Variants in LDB2 observed in about 807,000 individuals in gnomAD.
The protein encoded by LDB2 is LIM domain binding 2, also known as LIM domain-binding protein 2.
A neutral mutation model predicts 44.3 loss-of-function variants in LDB2; 12 were observed. The ratio of observed to expected loss-of-function variants is 0.27; its 90% CI spans 0.17 to 0.44. The LOEUF (loss-of-function observed/expected upper bound fraction) is 0.44, where lower values mean the gene tolerates loss of function less well. LDB2 is among the 20% of genes least tolerant of loss of function. The probability of loss-of-function intolerance (pLI) is 1.00; values close to 1 mark genes in which losing one functional copy is unlikely to be tolerated. For missense variants in LDB2, 344 were observed against 473.5 expected, an observed-to-expected ratio of 0.73 and a Z score of 2.54; for synonymous variants, 164 against 174.8, an observed-to-expected ratio of 0.94 and a Z score of 0.49.
chr4:16,587,946 G>A (rs1202328974), intron 4 of LDB2, among the ~76,000 whole-genome samples: 1 of 152,068 alleles, frequency 6.6e-6, no homozygotes, highest in Non-Finnish European at 1.5e-5. Context: ...TTACTGTTAT[G>A]CTATTTTCTT....
chr4:16,678,776 A>G (rs1041287809), intron 2 of LDB2, among the ~76,000 whole-genome samples: 2 of 152,208 alleles, frequency 1.3e-5, no homozygotes, highest in Non-Finnish European at 2.9e-5. Context: ...ACTCCAGCTC[A>G]TGACAGGGTG....
intron 5 of LDB2, among the ~76,000 whole-genome samples, chr4:16,539,470 C>G (rs1733006530): frequency 6.6e-6 from 1 of 152,138 alleles, no homozygotes; most frequent in South Asian, 2.1e-4. Context: ...GTTTCTGCCC[C>G]TTTCACTTAG....
intron 2 of LDB2, among the ~76,000 whole-genome samples, chr4:16,704,733 G>T (rs16893845): frequency 0.045 from 6,777 of 152,272 alleles, 555 homozygotes; most frequent in African/African-American, 0.16. Flanking sequence ...TGCATGCTAT[G>T]TGTGTTCTCT....
chr4:16,590,129 C>T (rs536120366), intron 3 of LDB2, among the ~76,000 whole-genome samples: 23 of 152,260 alleles, frequency 1.5e-4, no homozygotes, highest in African/African-American at 4.1e-4. Context: ...TCACTAGCGG[C>T]GGCTTCTCAG....
At chr4:16,593,643 C>T (rs990423538) in intron 3 of LDB2, among the ~76,000 whole-genome samples, 4 of 152,156 alleles carry the variant, frequency 2.6e-5, no homozygotes, top group Non-Finnish European at 5.9e-5. Context: ...TTTCAAGAGT[C>T]GGCAAATATA....
At chr4:16,523,190 A>C (rs943071856) in intron 5 of LDB2, among the ~76,000 whole-genome samples, 2 of 152,230 alleles carry the variant, frequency 1.3e-5, no homozygotes, top group African/African-American at 4.8e-5. Context: ...ACCAAGTCCC[A>C]AAATCCATAG....
chr4:16,829,997 C>T (rs999288437), intron 1 of LDB2, among the ~76,000 whole-genome samples: 8 of 151,964 alleles, frequency 5.3e-5, no homozygotes, highest in Non-Finnish European at 1.0e-4. Context: ...CTCAGCTACT[C>T]GGGAGGCTGA....
chr4:16,642,227 T>A (rs1341902815), intron 2 of LDB2, among the ~76,000 whole-genome samples: 1 of 152,152 alleles, frequency 6.6e-6, no homozygotes, highest in East Asian at 1.9e-4. Flanking sequence ...AATGAGATCA[T>A]GCCTACATTA....
intron 2 of LDB2, among the ~76,000 whole-genome samples, chr4:16,737,261 C>A (rs1762080986): frequency 6.6e-6 from 1 of 152,058 alleles, no homozygotes; most frequent in Non-Finnish European, 1.5e-5. Flanking sequence ...CAGGATCTGG[C>A]TCTATCGCCC....
intron 2 of LDB2, among the ~76,000 whole-genome samples, chr4:16,658,571 T>C (rs958707419): frequency 6.6e-6 from 1 of 152,148 alleles, no homozygotes; most frequent in African/African-American, 2.4e-5. Flanking sequence ...GCCTGAAATT[T>C]TAGATTTTTA....
At chr4:16,830,311 T>C (rs1171930034) in intron 1 of LDB2, among the ~76,000 whole-genome samples, 2 of 152,204 alleles carry the variant, frequency 1.3e-5, no homozygotes, top group East Asian at 1.9e-4. Context: ...GGAAATCGGA[T>C]GGTTTTTGTA....
At chr4:16,528,836 T>C (rs1729143608) in intron 5 of LDB2, among the ~76,000 whole-genome samples, 1 of 152,150 alleles carries the variant, frequency 6.6e-6, no homozygotes, top group Non-Finnish European at 1.5e-5. Context: ...GACATTATGT[T>C]CAAAGCCCAG....
intron 2 of LDB2, among the ~76,000 whole-genome samples, chr4:16,646,336 A>T (rs1283754637): frequency 6.6e-6 from 1 of 152,148 alleles, no homozygotes; most frequent in Admixed American, 6.5e-5. Context: ...TTATATATTA[A>T]CTGTGGAATA....
intron 1 of LDB2, among the ~76,000 whole-genome samples, chr4:16,802,379 A>G (rs1778009290): frequency 6.6e-6 from 1 of 152,182 alleles, no homozygotes; most frequent in Non-Finnish European, 1.5e-5. Context: ...CCAGAAAAAG[A>G]GGCCAAACAA....
intron 1 of LDB2, among the ~76,000 whole-genome samples, chr4:16,803,767 C>T (rs766679793): frequency 8.5e-5 from 13 of 152,244 alleles, no homozygotes; most frequent in Admixed American, 2.0e-4. Context: ...TGGAAATAGT[C>T]GTACTTATTT....
chr4:16,562,780 G>A (rs1263016045), intron 5 of LDB2, among the ~76,000 whole-genome samples: 8 of 152,062 alleles, frequency 5.3e-5, no homozygotes, highest in South Asian at 2.1e-4. Flanking sequence ...TGTTTATTGC[G>A]GCACTATTCA....
intron 5 of LDB2, among the ~76,000 whole-genome samples, chr4:16,573,354 GC>G (rs970469418): frequency 2.0e-5 from 3 of 152,130 alleles, no homozygotes; most frequent in Admixed American, 6.5e-5. Context: ...TGCTCCTCCA[GC>G]CTTAGACTAG....
chr4:16,528,791 G>A (rs764417465), intron 5 of LDB2, among the ~76,000 whole-genome samples: 2 of 152,154 alleles, frequency 1.3e-5, no homozygotes, highest in African/African-American at 2.4e-5. Context: ...GGACGTGGGC[G>A]AAGAACAGAC....
At chr4:16,881,104 A>C (rs1310707221) in intron 1 of LDB2, among the ~76,000 whole-genome samples, 2 of 152,132 alleles carry the variant, frequency 1.3e-5, no homozygotes, top group Non-Finnish European at 2.9e-5. Context: ...AAGGCTTTGA[A>C]TGCGTCTCAC....
Sources: allele counts gnomAD v4.1 joint callset (sites outside exome capture counted in the v4.1 genomes callset), GRCh38; gene constraint gnomAD v4.1.1; transcripts MANE v1.5; gene names NCBI Gene and HGNC (gene_info 2026-07-23, HGNC 2026-07-21).